Variants in SRPK2 observed in about 807,000 individuals in gnomAD.
SRPK2 encodes the protein SRSF protein kinase 2.
Under a neutral mutation model 90.8 loss-of-function variants are expected in SRPK2, and 21 were observed. The observed-to-expected ratio is 0.23, with a 90% CI of 0.16 to 0.33. The LOEUF is 0.33. Among genes scored for constraint, SRPK2 ranks in the 10% least tolerant of loss-of-function variants. The probability of loss-of-function intolerance (pLI) is 1.00; values close to 1 mark genes in which losing one functional copy is unlikely to be tolerated. For missense variants in SRPK2, 620 were observed against 869.0 expected (o/e 0.71, Z 3.60); for synonymous variants, 288 against 311.1 (o/e 0.93, Z 0.78).
chr7:105,310,721 A>T (rs1811612314), intron 2 of SRPK2, among the ~76,000 whole-genome samples: 1 of 152,152 alleles, frequency 6.6e-6, no homozygotes, highest in Admixed American at 6.6e-5. Flanking sequence ...ATAATCCTAC[A>T]CTACTGCTAT....
intron 2 of SRPK2, among the ~76,000 whole-genome samples, chr7:105,226,702 G>GTT (rs1798752475): frequency 1.3e-5 from 2 of 152,134 alleles, no homozygotes; most frequent in African/African-American, 4.8e-5. Context: ...TCAGACTTAA[G>GTT]GATAAGACAG....
intron 2 of SRPK2, among the ~76,000 whole-genome samples, chr7:105,226,065 T>C (rs1798667647): frequency 6.6e-6 from 1 of 152,202 alleles, no homozygotes; most frequent in African/African-American, 2.4e-5. Context: ...TGTAGCTTGT[T>C]ACTACCAAGT....
At chr7:105,335,569 C>T (rs1005067376) in intron 2 of SRPK2, among the ~76,000 whole-genome samples, 3 of 150,848 alleles carry the variant, frequency 2.0e-5, no homozygotes, top group Non-Finnish European at 4.4e-5. Flanking sequence ...AGGTGGGAGG[C>T]TCGACTGAGC....
At chr7:105,128,936 C>T (rs1801590749) in intron 13 of SRPK2, among the ~76,000 whole-genome samples, 1 of 152,234 alleles carries the variant, frequency 6.6e-6, no homozygotes, top group African/African-American at 2.4e-5. Flanking sequence ...TTAGCACCCA[C>T]ATATTCCCAA....
intron 15 of SRPK2, among the ~76,000 whole-genome samples, chr7:105,121,591 G>C (rs753720254): frequency 5.9e-5 from 9 of 152,122 alleles, no homozygotes; most frequent in Non-Finnish European, 1.3e-4. Context: ...ACATGAGCCT[G>C]GCAGCCAATT....
intron 3 of SRPK2, among the ~76,000 whole-genome samples, chr7:105,200,937 T>C (rs1441322740): frequency 1.3e-5 from 2 of 152,176 alleles, no homozygotes; most frequent in Admixed American, 6.5e-5. Flanking sequence ...GTCTGAATAG[T>C]AGTGAAGTAT....
At chr7:105,329,808 T>C (rs890471011) in intron 2 of SRPK2, among the ~76,000 whole-genome samples, 10 of 151,576 alleles carry the variant, frequency 6.6e-5, no homozygotes, top group Non-Finnish European at 1.3e-4. Context: ...GACGGGCAAA[T>C]TATTTGAGGC....
chr7:105,241,400 G>A (rs1800800722), intron 2 of SRPK2, among the ~76,000 whole-genome samples: 1 of 152,156 alleles, frequency 6.6e-6, no homozygotes, highest in Admixed American at 6.5e-5. Flanking sequence ...AAGTTCATAT[G>A]AAAATCCTGC....
chr7:105,250,972 G>A (rs1018601740), intron 2 of SRPK2, among the ~76,000 whole-genome samples: 1 of 152,120 alleles, frequency 6.6e-6, no homozygotes, highest in African/African-American at 2.4e-5. Context: ...CTAGGAACAT[G>A]GCTGATATTA....
chr7:105,186,158 A>G (rs1793551525), intron 3 of SRPK2, among the ~76,000 whole-genome samples: 1 of 152,198 alleles, frequency 6.6e-6, no homozygotes, highest in African/African-American at 2.4e-5. Context: ...GTATCATTTG[A>G]CAGTAGGAAG....
intron 2 of SRPK2, among the ~76,000 whole-genome samples, chr7:105,238,255 C>T (rs1226542414): frequency 1.3e-5 from 2 of 152,170 alleles, no homozygotes; most frequent in African/African-American, 4.8e-5. Flanking sequence ...AAATCATCAT[C>T]GTCGTCATCA....
At chr7:105,151,703 C>T (rs1025871370) in intron 7 of SRPK2, among the ~76,000 whole-genome samples, 1 of 151,982 alleles carries the variant, frequency 6.6e-6, no homozygotes, top group African/African-American at 2.4e-5. Flanking sequence ...TGAGCCACCA[C>T]ATCCAGCTTC....
intron 2 of SRPK2, among the ~76,000 whole-genome samples, chr7:105,229,877 A>C (rs1799215723): frequency 6.6e-6 from 1 of 152,240 alleles, no homozygotes; most frequent in South Asian, 2.1e-4. Context: ...CTAGTCCAGG[A>C]ATCAAGGCAA....
intron 13 of SRPK2, among the ~76,000 whole-genome samples, chr7:105,131,597 C>A (rs546755857): frequency 6.6e-6 from 1 of 152,252 alleles, no homozygotes; most frequent in Non-Finnish European, 1.5e-5. Context: ...TGAGTCAAAG[C>A]TGAAAGACAG....
chr7:105,248,105 G>A (rs558464013), intron 2 of SRPK2, among the ~76,000 whole-genome samples: 245 of 152,062 alleles, frequency 1.6e-3, no homozygotes, highest in Middle Eastern at 6.8e-3. Context: ...TGCCCGCCTC[G>A]GCCTCCCAAA....
At chr7:105,258,015 G>A (rs1273155311) in intron 2 of SRPK2, among the ~76,000 whole-genome samples, 1 of 151,864 alleles carries the variant, frequency 6.6e-6, no homozygotes, top group East Asian at 1.9e-4. Flanking sequence ...GGGGAGGCAG[G>A]ATAATTGCTT....
intron 3 of SRPK2, among the ~76,000 whole-genome samples, chr7:105,172,683 C>A (rs1252536244): frequency 6.6e-6 from 1 of 152,182 alleles, no homozygotes; most frequent in East Asian, 1.9e-4. Context: ...CGGCTGGAAA[C>A]TAGGTATGAC....
At chr7:105,228,050 C>A (rs1429252654) in intron 2 of SRPK2, among the ~76,000 whole-genome samples, 3 of 152,076 alleles carry the variant, frequency 2.0e-5, no homozygotes, top group South Asian at 4.1e-4. Context: ...ATCCTAATTT[C>A]TTTTTTTCTG....
chr7:105,330,222 C>T (rs1814134860), intron 2 of SRPK2, among the ~76,000 whole-genome samples: 1 of 151,886 alleles, frequency 6.6e-6, no homozygotes, highest in Non-Finnish European at 1.5e-5. Flanking sequence ...TGCCCGTAGT[C>T]CCAGCTACTC....
Sources: allele counts gnomAD v4.1 joint callset (sites outside exome capture counted in the v4.1 genomes callset), GRCh38; gene constraint gnomAD v4.1.1; transcripts MANE v1.5; gene names NCBI Gene and HGNC (gene_info 2026-07-23, HGNC 2026-07-21).